Variants in MMP26 observed in about 807,000 individuals in gnomAD.
MMP26 encodes matrix metallopeptidase 26, also known as matrix metalloproteinase-26.
Under a neutral mutation model 31.0 loss-of-function variants are expected in MMP26, and 33 were observed. The observed-to-expected ratio is 1.06, with a 90% CI of 0.81 to 1.42. The LOEUF is 1.42. MMP26 is among the 40% of genes most tolerant of loss of function. The probability of loss-of-function intolerance (pLI) is 0.00; values close to 1 mark genes in which losing one functional copy is unlikely to be tolerated. For synonymous variants in MMP26, 122 were observed against 114.9 expected (o/e 1.06, Z -0.40); for missense variants, 347 against 316.1 (o/e 1.10, Z -0.74).
chr11:4,838,627 C>T (rs1589916062), intron 2 of MMP26, among the ~76,000 whole-genome samples: 2 of 151,970 alleles, frequency 1.3e-5, no homozygotes, highest in East Asian at 1.9e-4. Flanking sequence ...ATGATTATGT[C>T]GTCATTTGAA....
intron 1 of MMP26, among the ~76,000 whole-genome samples, chr11:4,761,252 A>T (rs917468898): frequency 6.6e-6 from 1 of 152,222 alleles, no homozygotes; most frequent in Non-Finnish European, 1.5e-5. Flanking sequence ...TAAATCACTC[A>T]TGATGTAGTT....
chr11:4,949,929 T>C (rs1444618745), intron 2 of MMP26, among the ~76,000 whole-genome samples: 1 of 123,314 alleles, frequency 8.1e-6, no homozygotes, highest in African/African-American at 2.7e-5. Context: ...TTTGAACTAA[T>C]GGCACTTATT....
intron 1 of MMP26, among the ~76,000 whole-genome samples, chr11:4,741,633 CA>C (rs1210458379): frequency 1.7e-5 from 2 of 117,640 alleles, no homozygotes; most frequent in Non-Finnish European, 3.3e-5. Flanking sequence ...GAACAACACA[CA>C]TGAGGCCTGT....
intron 2 of MMP26, among the ~76,000 whole-genome samples, chr11:4,840,987 A>C (rs939642816): frequency 3.9e-5 from 6 of 152,334 alleles, no homozygotes; most frequent in South Asian, 2.1e-4. Context: ...AGAATCAAGC[A>C]GAAATTCTGG....
At chr11:4,767,398 AC>A (rs1479329357) in intron 2 of MMP26, 57 bp downstream of exon 2, 11 of 152,068 alleles carry the variant, frequency 7.2e-5, no homozygotes, top group African/African-American at 2.7e-4. Flanking sequence ...TTATTTCATG[AC>A]TTTTTGTTCA....
intron 2 of MMP26, among the ~76,000 whole-genome samples, chr11:4,810,404 C>T (rs574622240): frequency 4.0e-5 from 6 of 151,888 alleles, no homozygotes; most frequent in African/African-American, 1.2e-4. Context: ...TGTGAATAAG[C>T]GTAAGTGTAT....
chr11:4,778,353 A>G (rs1348071104), intron 2 of MMP26, among the ~76,000 whole-genome samples: 7 of 152,022 alleles, frequency 4.6e-5, no homozygotes, highest in South Asian at 2.1e-4. Flanking sequence ...TGATTTCCAC[A>G]TGGATATCCA....
intron 2 of MMP26, among the ~76,000 whole-genome samples, chr11:4,984,405 A>G (rs1005474901): frequency 1.3e-5 from 2 of 152,200 alleles, no homozygotes; most frequent in African/African-American, 4.8e-5. Flanking sequence ...TATGCGCTCA[A>G]TAAGTTGTTA....
chr11:4,908,092 C>T, intron 2 of MMP26: 1 of 1,614,108 alleles, frequency 6.2e-7, no homozygotes, highest in Non-Finnish European at 8.5e-7. Context: ...ATACCTGTGT[C>T]TCCCACATCT....
rs145913449 is a variant in MMP26, at chr11:4,834,553, A to G, written c.-145+67212A>G. Among the ~76,000 whole-genome samples, 3 of 152,284 alleles carry G rather than the reference A, an allele frequency of 2.0e-5. No homozygotes were observed. In the East Asian group the frequency reaches 5.8e-4, roughly 29 times the overall value. On this transcript the variant is annotated intron_variant, in intron 2 of 7. Coordinates refer to ENST00000380390, the MANE Select transcript of MMP26 (RefSeq NM_021801.5). Reference sequence around the variant, plus strand: ...AATTTAGGAATTTAGAAGCTAACCCACAGAAGAAGGAGTAAATAAACCCCA... The same window carrying G: ...AATTTAGGAATTTAGAAGCTAACCCGCAGAAGAAGGAGTAAATAAACCCCA...
rs145751228 is a variant in MMP26 at position 4,729,022 on chromosome 11, T to G, written c.-217+23977T>G. 9.0e-4 allele frequency among the ~76,000 whole-genome samples: 136 copies of G among 151,886 alleles called. 5 individuals carry two copies. In the East Asian group the frequency reaches 0.024, roughly 27 times the overall value. ...TATTTTATGTTAGAAAAATACTACA[T>G]GCTTTGCATAAAAAATCATCTCCCT... is the stretch of plus-strand genomic sequence containing the variant. On this transcript the variant is annotated intron_variant, in intron 1 of 7. Transcript: ENST00000380390.
intron 1 of MMP26, among the ~76,000 whole-genome samples, chr11:4,706,577 C>CAAAAAAAA (rs71050423): frequency 1.1e-4 from 10 of 87,548 alleles, no homozygotes; most frequent in Non-Finnish European, 2.1e-4. Context: ...GACCCTATCT[C>CAAAAAAAA]AAAAAAAAAA....
At chr11:4,795,843 GGAGA>G (rs142600384) in intron 2 of MMP26, among the ~76,000 whole-genome samples, 29,981 of 142,074 alleles carry the variant, frequency 0.21, 3,028 homozygotes, top group East Asian at 0.35. Context: ...AGAGAGAGAG[GGAGA>G]GAGAGAGAGA....
At chr11:4,856,456 A>T (rs1850054972) in intron 2 of MMP26, among the ~76,000 whole-genome samples, 1 of 152,226 alleles carries the variant, frequency 6.6e-6, no homozygotes, top group African/African-American at 2.4e-5. Context: ...TAACCAACAA[A>T]GATCAAAAGA....
chr11:4,784,774 G>A (rs66473029), intron 2 of MMP26, among the ~76,000 whole-genome samples: 14,437 of 152,168 alleles, frequency 0.095, 857 homozygotes, highest in Middle Eastern at 0.15. Flanking sequence ...ATTCTGGGAA[G>A]CTAACATAGG....
At chr11:4,921,804 T>C (rs1851188542) in intron 2 of MMP26, among the ~76,000 whole-genome samples, 3 of 152,328 alleles carry the variant, frequency 2.0e-5, no homozygotes, top group Middle Eastern at 6.8e-3. Flanking sequence ...GGCTCTAAAA[T>C]AGATCTTTAT....
chr11:4,769,394 G>T (rs200200884), intron 2 of MMP26: 2 of 1,613,926 alleles, frequency 1.2e-6, no homozygotes, highest in East Asian at 2.2e-5. Flanking sequence ...GTGAGAAAGG[G>T]CATTCATTCT....
chr11:4,864,801 C>T (rs1268512871), intron 2 of MMP26, among the ~76,000 whole-genome samples: 1 of 152,090 alleles, frequency 6.6e-6, no homozygotes, highest in Non-Finnish European at 1.5e-5. Flanking sequence ...GAAACTGATG[C>T]CACCACTAGA....
At chr11:4,804,376 A>T (rs543887899) in intron 2 of MMP26, 4 of 1,612,778 alleles carry the variant, frequency 2.5e-6, no homozygotes, top group Non-Finnish European at 3.4e-6. Context: ...TGAAGCCAGC[A>T]CCATGGACTG....
Sources: allele counts gnomAD v4.1 joint callset (sites outside exome capture counted in the v4.1 genomes callset), GRCh38; gene constraint gnomAD v4.1.1; transcripts MANE v1.5; gene names NCBI Gene and HGNC (gene_info 2026-07-23, HGNC 2026-07-21).